Variants in PTCHD4 observed in about 807,000 individuals in gnomAD.
PTCHD4 encodes patched domain containing 4.
In PTCHD4, 33 loss-of-function variants were observed where a neutral mutation model predicts 58.1. The ratio of observed to expected loss-of-function variants is 0.57; its 90% CI spans 0.43 to 0.76. The LOEUF (loss-of-function observed/expected upper bound fraction) is 0.76. Among genes scored for constraint, PTCHD4 ranks in the 30% least tolerant of loss-of-function variants. The pLI is 0.00. For synonymous variants in PTCHD4, 478 were observed against 409.6 expected (o/e 1.17, Z -2.02); for missense variants, 1,058 against 1,027.1 (o/e 1.03, Z -0.41).
chr6:48,026,806 A>G (rs942574075), intron 3 of PTCHD4, among the ~76,000 whole-genome samples: 1 of 152,160 alleles, frequency 6.6e-6, no homozygotes, highest in Non-Finnish European at 1.5e-5. Context: ...AAGATAGTCC[A>G]TAGCCTCCAC....
chr6:47,904,222 A>G (rs1032785596), intron 4 of PTCHD4, among the ~76,000 whole-genome samples: 22 of 152,188 alleles, frequency 1.4e-4, no homozygotes, highest in Admixed American at 1.4e-3. Flanking sequence ...ATGAGAATAG[A>G]AGACAGGGAT....
chr6:47,922,229 T>C (rs924092414), intron 4 of PTCHD4, among the ~76,000 whole-genome samples: 4 of 152,198 alleles, frequency 2.6e-5, no homozygotes, highest in Admixed American at 6.5e-5. Flanking sequence ...AATTTTCATT[T>C]TCAACTGAAC....
At chr6:47,940,178 C>T (rs1766157838) in intron 4 of PTCHD4, among the ~76,000 whole-genome samples, 1 of 151,996 alleles carries the variant, frequency 6.6e-6, no homozygotes, top group Non-Finnish European at 1.5e-5. Flanking sequence ...GGATGTCATA[C>T]ATGACCACAA....
intron 3 of PTCHD4, among the ~76,000 whole-genome samples, chr6:48,046,676 C>T (rs1562025173): frequency 6.6e-6 from 1 of 151,828 alleles, no homozygotes; most frequent in South Asian, 2.1e-4. Context: ...AGAGGTCCTG[C>T]AGTTTGTTTA....
chr6:48,093,738 G>A (rs1372481625), intron 1 of PTCHD4, among the ~76,000 whole-genome samples: 1 of 145,214 alleles, frequency 6.9e-6, no homozygotes, highest in Non-Finnish European at 1.5e-5. Context: ...AACTTTAAAG[G>A]AAGAAAAAAA....
At chr6:48,109,001 G>A (rs1322365410) in intron 1 of PTCHD4, among the ~76,000 whole-genome samples, 4 of 152,022 alleles carry the variant, frequency 2.6e-5, no homozygotes. Flanking sequence ...CAAATTTATG[G>A]TGATATATTT....
intron 3 of PTCHD4, among the ~76,000 whole-genome samples, chr6:48,020,773 C>T (rs1763038921): frequency 6.6e-6 from 1 of 152,046 alleles, no homozygotes; most frequent in African/African-American, 2.4e-5. Context: ...CAAAACTATA[C>T]ACATTACAGC....
intron 4 of PTCHD4, among the ~76,000 whole-genome samples, chr6:48,004,967 C>G (rs1230180234): frequency 6.6e-6 from 1 of 152,158 alleles, no homozygotes; most frequent in East Asian, 1.9e-4. Context: ...GAATACTTCT[C>G]TAGAGAGACT....
At chr6:47,951,150 C>T (rs1324964626) in intron 4 of PTCHD4, among the ~76,000 whole-genome samples, 2 of 152,084 alleles carry the variant, frequency 1.3e-5, no homozygotes, top group African/African-American at 2.4e-5. Flanking sequence ...ATCCTCTTTG[C>T]CTGTGTTTTA....
chr6:48,002,847 C>T (rs1448242625), intron 4 of PTCHD4, among the ~76,000 whole-genome samples: 1 of 152,066 alleles, frequency 6.6e-6, no homozygotes, highest in African/African-American at 2.4e-5. Context: ...ATTACCCTTT[C>T]ATTTTCAGCA....
intron 3 of PTCHD4, among the ~76,000 whole-genome samples, chr6:48,060,738 G>A (rs920147884): frequency 5.9e-5 from 9 of 152,194 alleles, no homozygotes; most frequent in African/African-American, 2.2e-4. Context: ...GCCTCCCAAA[G>A]TGTTGGGATT....
rs1214632451 is a variant in PTCHD4 at position 47,862,776 on chromosome 6, T to C, written c.*15527A>G. Among the ~76,000 whole-genome samples the C allele has an allele frequency of 6.6e-6, 1 of 151,910 alleles. No homozygotes were observed. The highest frequency in any genetic ancestry group is 1.5e-5 in the Non-Finnish European group (1 of 67,872). ...GATTTCCACACAGACCCATTAATAC[T>C]GTTTCCTTTGGAATTGTAATACTCA... On this transcript the variant is annotated 3_prime_UTR_variant, in exon 5 of 5. Coordinates refer to ENST00000339488, the MANE Select transcript of PTCHD4 (RefSeq NM_001384253.1).
chr6:48,098,137 C>T (rs1261265977), intron 1 of PTCHD4, among the ~76,000 whole-genome samples: 1 of 152,062 alleles, frequency 6.6e-6, no homozygotes, highest in African/African-American at 2.4e-5. Flanking sequence ...GAGCAAAAAA[C>T]CCCTGAAGAT....
chr6:47,870,391 T>A lies in PTCHD4; in HGVS notation c.*7912A>T, dbSNP rs771990991. On this transcript the variant is annotated 3_prime_UTR_variant, in exon 5 of 5. Transcript: ENST00000339488. ...ACAAGGAAATATTTGGAACATAATT[T>A]CCCTTGACTGAGGTATGAGATTCAT... 1.3e-5 allele frequency among the ~76,000 whole-genome samples: 2 copies of A among 151,740 alleles called. No homozygotes were observed. Among genetic ancestry groups the A allele is most frequent in the African/African-American group, 4.8e-5 (2 of 41,408 alleles).
intron 4 of PTCHD4, among the ~76,000 whole-genome samples, chr6:47,891,749 G>A (rs1257061068): frequency 2.0e-5 from 3 of 151,758 alleles, no homozygotes; most frequent in Non-Finnish European, 2.9e-5. Context: ...CATGGTCCCC[G>A]ATGGCGTGGG....
chr6:48,100,418 C>A (rs1452106088), intron 1 of PTCHD4, among the ~76,000 whole-genome samples: 1 of 152,160 alleles, frequency 6.6e-6, no homozygotes, highest in Non-Finnish European at 1.5e-5. Flanking sequence ...ATTAACAGAA[C>A]CTCTCTTTTC....
chr6:47,955,896 T>C (rs563818166), intron 4 of PTCHD4, among the ~76,000 whole-genome samples: 1 of 152,342 alleles, frequency 6.6e-6, no homozygotes, highest in East Asian at 1.9e-4. Flanking sequence ...TCCCATGGTA[T>C]AGAGCCATCA....
intron 3 of PTCHD4, among the ~76,000 whole-genome samples, chr6:48,037,219 AG>A (rs1303626728): frequency 6.6e-6 from 1 of 152,156 alleles, no homozygotes; most frequent in Non-Finnish European, 1.5e-5. Flanking sequence ...CTTTTACTAC[AG>A]TATATTGTTA....
rs566142761 is a variant in PTCHD4, at chr6:48,012,074, G to C, written c.418-2960C>G. Among the ~76,000 whole-genome samples the C allele has an allele frequency of 2.6e-5, 4 of 152,224 alleles. No individual in the cohort carries two copies. In the South Asian group the frequency reaches 8.3e-4, roughly 32 times the overall value. On this transcript the variant is annotated intron_variant, in intron 3 of 4. Transcript: ENST00000339488. ...ATATGGGCTATTTTTGGTTCCATAT[G>C]AACTTTAAAGTAGTTTTCTCCAACT...
Sources: gnomAD v4.1 joint callset for allele counts (sites outside exome capture counted in the v4.1 genomes callset) on GRCh38, gnomAD v4.1.1 for gene constraint, MANE v1.5 for transcripts, NCBI Gene and HGNC (gene_info 2026-07-23, HGNC 2026-07-21) for gene names.